Variants in MEP1A observed in about 807,000 individuals in gnomAD.
MEP1A encodes the protein meprin A subunit alpha, also known as N-benzoyl-L-tyrosyl-P-amino-benzoic acid hydrolase subunit alpha.
A neutral mutation model predicts 84.5 loss-of-function variants in MEP1A; 68 were observed. That is an observed-to-expected ratio of 0.80 (90% confidence interval 0.66 to 0.98). MEP1A has a LOEUF of 0.98. Ranked by LOEUF, MEP1A falls within the 50% of genes least tolerant of loss-of-function variation. The pLI, the probability that MEP1A is intolerant of heterozygous loss-of-function variation, is 0.00. For missense variants in MEP1A, 887 were observed against 919.9 expected (o/e 0.96, Z 0.46); for synonymous variants, 337 against 336.8 (o/e 1.00, Z -0.01).
chr6:46,794,652 T>C (rs1381153195), intron 3 of MEP1A, among the ~76,000 whole-genome samples: 2 of 152,208 alleles, frequency 1.3e-5, no homozygotes, highest in Non-Finnish European at 2.9e-5. Context: ...TTAATTGGAA[T>C]AGCTGGAGAA....
chr6:46,826,333 T>C, intron 8 of MEP1A, 21 bp from the exon 9 acceptor site: 1 of 1,574,280 alleles, frequency 6.4e-7, no homozygotes, highest in African/African-American at 1.4e-5. Flanking sequence ...TTTAACCAGA[T>C]GATAAAAATA....
rs776780858 is a variant in MEP1A at position 46,829,546 on chromosome 6, G to A, written c.1119G>A (p.Lys373=). The change falls in exon 10 of 14, where the codon AAG becomes AAA. Residue 373 remains lysine, a synonymous_variant. Coordinates refer to ENST00000230588, the MANE Select transcript of MEP1A (RefSeq NM_005588.3). ...ATGACAGCACAGGCAATGTTCGCAA[G>A]TTGGTGAAGGTGCAGACTTTTCAAG... ...RRDDSTGNVR[K]LVKVQTFQGD... The A allele has an allele frequency of 1.9e-6, 3 of 1,614,148 alleles. No individual in the cohort carries two copies. Among genetic ancestry groups the A allele is most frequent in the Admixed American group, 3.3e-5 (2 of 60,030 alleles).
downstream of MEP1A, among the ~76,000 whole-genome samples, chr6:46,841,837 T>C (rs1166303234): frequency 6.6e-6 from 1 of 152,208 alleles, no homozygotes; most frequent in Non-Finnish European, 1.5e-5. Flanking sequence ...TTGAAATGAA[T>C]CAAGATTTAA....
intron 8 of MEP1A, among the ~76,000 whole-genome samples, chr6:46,825,886 T>C (rs527669845): frequency 1.4e-4 from 22 of 152,326 alleles, no homozygotes; most frequent in African/African-American, 4.3e-4. Context: ...AAATAGGTGA[T>C]GGACTTGAAA....
intron 6 of MEP1A, among the ~76,000 whole-genome samples, chr6:46,814,631 A>G (rs529285329): frequency 6.6e-6 from 1 of 152,296 alleles, no homozygotes; most frequent in South Asian, 2.1e-4. Context: ...TTGTTTTGAC[A>G]TATCACCAGA....
chr6:46,825,328 C>T lies in MEP1A; in HGVS notation c.613C>T (p.Pro205Ser), dbSNP rs1356698125. ...TAGCTTAATCACAGACCTCAATACA[C>T]CCTATGATTATGAGTCTTTGATGCA... The part of the protein sequence containing the change: ...DDSLITDLNT[P>S]YDYESLMHYQ... The change falls in exon 8 of 14, where the codon CCC becomes TCC. Residue 205 changes from proline to serine, a missense_variant. Coordinates refer to ENST00000230588, the MANE Select transcript of MEP1A (RefSeq NM_005588.3). The T allele has an allele frequency of 1.4e-5, 22 of 1,613,526 alleles. No individual in the cohort carries two copies. Among genetic ancestry groups the T allele is most frequent in the Middle Eastern group, 1.6e-4 (1 of 6,084 alleles).
downstream of MEP1A, among the ~76,000 whole-genome samples, chr6:46,844,468 G>C (rs220690): frequency 1.3e-5 from 2 of 151,884 alleles, no homozygotes; most frequent in Admixed American, 1.3e-4. Flanking sequence ...ATTGAGACAT[G>C]GGCCTCATCT....
intron 7 of MEP1A, among the ~76,000 whole-genome samples, chr6:46,824,522 T>A (rs1364754025): frequency 1.4e-5 from 2 of 143,198 alleles, no homozygotes; most frequent in African/African-American, 5.1e-5. Context: ...TATTTAAATA[T>A]ATATAAATTA....
chr6:46,807,830 AGAAAGAAAGG>A (rs1767399287), intron 5 of MEP1A, among the ~76,000 whole-genome samples: 1 of 141,300 alleles, frequency 7.1e-6, no homozygotes, highest in Admixed American at 7.0e-5. Context: ...AAAGAAAGAA[AGAAAGAAAGG>A]AAGAAAGGAA....
At chr6:46,826,601 T>A (rs1767953067) in intron 9 of MEP1A, 98 bp downstream of exon 9, 1 of 1,102,472 alleles carries the variant, frequency 9.1e-7, no homozygotes, top group Admixed American at 3.0e-5. Flanking sequence ...ATGTTAGTTA[T>A]CAAACTTGAA....
At chr6:46,827,441 A>G (rs1195261136) in intron 9 of MEP1A, among the ~76,000 whole-genome samples, 1 of 152,190 alleles carries the variant, frequency 6.6e-6, no homozygotes, top group African/African-American at 2.4e-5. Context: ...GCCTTCTAGT[A>G]TTCTGTGCCT....
In MEP1A at chr6:46,826,437, G is replaced by C; in HGVS notation, c.862G>C (p.Asp288His). 6.2e-7 allele frequency: 1 copy of C among 1,609,166 alleles called. No homozygotes were observed. Among genetic ancestry groups the C allele is most frequent in the Non-Finnish European group, 8.5e-7 (1 of 1,177,664 alleles). ...GMIQGTRDDTDWAHQDSAQAG... is the reference protein window; with the variant it reads ...GMIQGTRDDTHWAHQDSAQAG... ...GATTCAGGGCACCAGAGATGACACT[G>C]ACTGGGCCCATCAGGACAGTGCTCA... Residue 288 changes from aspartate (D) to histidine (H), a missense_variant, in exon 9 of 14, where the codon GAC becomes CAC. Coordinates refer to ENST00000230588, the MANE Select transcript of MEP1A (RefSeq NM_005588.3).
chr6:46,824,267 C>G (rs1043906831), intron 7 of MEP1A, among the ~76,000 whole-genome samples: 14 of 151,952 alleles, frequency 9.2e-5, no homozygotes, highest in Non-Finnish European at 1.6e-4. Context: ...CACACGTACA[C>G]ACACACCCAG....
Position 46,825,352 on chromosome 6 carries a change from C to T in MEP1A, c.637C>T (p.His213Tyr). 6 of 1,613,252 alleles carry T rather than the reference C, an allele frequency of 3.7e-6. No homozygotes were observed. The highest frequency in any genetic ancestry group is 4.2e-6 in the Non-Finnish European group (5 of 1,179,402). ...NTPYDYESLM[H>Y]YQPFSFNKNA... ...ACCCTATGATTATGAGTCTTTGATG[C>T]ACTACCAGCCTTTCTCATTTAACAA... The change falls in exon 8 of 14, where the codon CAC becomes TAC. Residue 213 changes from histidine (H) to tyrosine (Y), a missense_variant. By Grantham distance (83) the His-to-Tyr change is moderately conservative (BLOSUM62 2). Coordinates refer to ENST00000230588, the MANE Select transcript of MEP1A (RefSeq NM_005588.3).
chr6:46,806,051 T>C (rs948511331), intron 5 of MEP1A, among the ~76,000 whole-genome samples: 3 of 152,100 alleles, frequency 2.0e-5, no homozygotes, highest in African/African-American at 7.2e-5. Flanking sequence ...AGAATTTTCA[T>C]TGGGTTCTTT....
intron 10 of MEP1A, among the ~76,000 whole-genome samples, chr6:46,831,425 C>G (rs1439596827): frequency 1.3e-5 from 2 of 152,154 alleles, no homozygotes; most frequent in African/African-American, 2.4e-5. Context: ...CACGTTTTTA[C>G]TGAGGCCAGG....
At position 46,832,820 on chromosome 6, in the gene MEP1A, A is replaced by C. The variant is rs1768105447; in HGVS notation, c.1145-254A>C. ...CCAGAACCTGGATTCTTATAGTGGA[A>C]AACAAATTCACGGTTAAGATTTGAA... On this transcript the variant is annotated intron_variant, in intron 10 of 13. Transcript: ENST00000230588. Among the ~76,000 whole-genome samples the C allele has an allele frequency of 2.0e-5, 3 of 152,382 alleles. No individual in the cohort carries two copies. In the South Asian group the frequency reaches 6.2e-4, roughly 32 times the overall value.
intron 6 of MEP1A, among the ~76,000 whole-genome samples, chr6:46,811,794 A>G (rs1211955967): frequency 6.6e-6 from 1 of 152,058 alleles, no homozygotes; most frequent in Admixed American, 6.6e-5. Context: ...TGTATGTGAA[A>G]CCATCCCTGC....
In MEP1A at chr6:46,823,731, C is replaced by T. The variant is rs115761983; in HGVS notation, c.557-1541C>T. ...GCATTTGCATTCAGTTTTCCTATCA[C>T]TCCACAAGAAGAAAATCAAAAAAAT... is the stretch of plus-strand genomic sequence containing the variant. On this transcript the variant is annotated intron_variant, in intron 7 of 13. Coordinates refer to ENST00000230588, the MANE Select transcript of MEP1A (RefSeq NM_005588.3). Among the ~76,000 whole-genome samples the T allele has an allele frequency of 2.4e-3, 373 of 152,286 alleles. 1 individual carries two copies. Among genetic ancestry groups the T allele is most frequent in the African/African-American group, 8.4e-3 (348 of 41,552 alleles).
Sources: allele counts gnomAD v4.1 joint callset (sites outside exome capture counted in the v4.1 genomes callset), GRCh38; gene constraint gnomAD v4.1.1; transcripts MANE v1.5; gene names NCBI Gene and HGNC (gene_info 2026-07-23, HGNC 2026-07-21).